The following FAM20A variants were observed in gnomAD, a reference collection of about 807,000 sequenced individuals.
FAM20A encodes the protein FAM20A golgi associated secretory pathway pseudokinase.
In FAM20A, 42 loss-of-function variants were observed where a neutral mutation model predicts 52.0. The ratio of observed to expected loss-of-function variants is 0.81; its 90% CI spans 0.63 to 1.04. The LOEUF (loss-of-function observed/expected upper bound fraction) is 1.04. Among genes scored for constraint, FAM20A ranks in the 50% least tolerant of loss-of-function variants. The pLI, the probability that FAM20A is intolerant of heterozygous loss-of-function variation, is 0.00. For synonymous variants in FAM20A, 304 were observed against 298.9 expected (o/e 1.02, Z -0.18); for missense variants, 742 against 712.7 (o/e 1.04, Z -0.47).
chr17:68,581,350 T>TTTTCTTTCTTTTTCTTTC (rs2087943367), intron 1 of FAM20A, among the ~76,000 whole-genome samples: 1 of 92,218 alleles, frequency 1.1e-5, no homozygotes, highest in Non-Finnish European at 2.1e-5. Context: ...GAAATGCAGT[T>TTTTCTTTCTTTTTCTTTC]TTTCTTTCTT....
chr17:68,564,224 A>G (rs1377600801), intron 1 of FAM20A, among the ~76,000 whole-genome samples: 1 of 152,208 alleles, frequency 6.6e-6, no homozygotes, highest in African/African-American at 2.4e-5. Context: ...CTTAAAAAGT[A>G]GTTTAAGCCC....
At position 68,537,250 on chromosome 17, in the gene FAM20A, G is replaced by C. The variant is rs1444008641; in HGVS notation, c.*227C>G. 12 of 691,476 alleles carry C rather than the reference G, an allele frequency of 1.7e-5. No individual in the cohort carries two copies. Among genetic ancestry groups the C allele is most frequent in the Non-Finnish European group, 3.1e-5 (12 of 384,538 alleles). The allele number at this position is 691,476 out of a possible 1,614,324, so 42.8% of individuals were successfully genotyped here. The stretch of plus-strand genomic sequence containing the variant: ...ATCGTCGGTGGCCTTGATGAAGCCA[G>C]TGCTTTTTGGGAAAAACGGAGCAAG... On this transcript the variant is annotated 3_prime_UTR_variant, in exon 11 of 11. Transcript: ENST00000592554. The surrounding 1 kb of genome is among the most constrained non-coding windows in gnomAD (Gnocchi z 4.2).
chr17:68,572,005 T>TATA (rs1555829293), intron 1 of FAM20A, among the ~76,000 whole-genome samples: 2 of 38,264 alleles, frequency 5.2e-5, no homozygotes, highest in African/African-American at 2.0e-4. Flanking sequence ...TATATATATA[T>TATA]ATATATATAT....
At chr17:68,583,412 T>C (rs1390964171) in intron 1 of FAM20A, among the ~76,000 whole-genome samples, 1 of 152,146 alleles carries the variant, frequency 6.6e-6, no homozygotes, top group African/African-American at 2.4e-5. Context: ...TGGTGGCTAT[T>C]GGTGTTCCTC....
chr17:68,554,708 A>G (rs1600578456), intron 3 of FAM20A, 69 bp downstream of exon 3: 2 of 1,220,648 alleles, frequency 1.6e-6, no homozygotes, highest in Non-Finnish European at 2.2e-6. Context: ...TCGCCACTGG[A>G]GTGGGTTTTG....
chr17:68,582,658 C>T (rs1420629498), intron 1 of FAM20A: 4 of 152,314 alleles, frequency 2.6e-5, no homozygotes, highest in Non-Finnish European at 4.4e-5. Context: ...CATGATCTGA[C>T]TCCATCTTCC....
intron 1 of FAM20A, among the ~76,000 whole-genome samples, chr17:68,589,659 T>A (rs901464836): frequency 5.3e-5 from 8 of 152,028 alleles, no homozygotes; most frequent in Admixed American, 2.6e-4. Flanking sequence ...ATCAGTGGTT[T>A]AAAAAAAATT....
At chr17:68,581,380 T>TTC (rs1353136316) in intron 1 of FAM20A, among the ~76,000 whole-genome samples, 1 of 144,022 alleles carries the variant, frequency 6.9e-6, no homozygotes, top group African/African-American at 2.7e-5. Context: ...CTTTCTTTCT[T>TTC]TCTTTCTTTC....
chr17:68,547,527 T>C (rs1375893666), intron 4 of FAM20A, among the ~76,000 whole-genome samples: 9 of 152,226 alleles, frequency 5.9e-5, no homozygotes, highest in Non-Finnish European at 1.0e-4. Context: ...CTGCAGCTTC[T>C]CCATCAGCAC....
Position 68,555,758 on chromosome 17 carries a change from T to C in FAM20A, c.405-15A>G. 1.2e-6 allele frequency: 2 copies of C among 1,614,052 alleles called. No individual in the cohort carries two copies. The highest frequency in any genetic ancestry group is 8.5e-7 in the Non-Finnish European group (1 of 1,180,012). ...TCTTGTGTCGCCTGAAAGAGCCAGA[T>C]AGTTGTTCATTAGAGGAACAAGAAT... is the stretch of plus-strand genomic sequence containing the variant. On this transcript the variant is annotated splice_polypyrimidine_tract_variant and intron_variant, in intron 1 of 10. Coordinates refer to ENST00000592554, the MANE Select transcript of FAM20A (RefSeq NM_017565.4).
intron 1 of FAM20A, among the ~76,000 whole-genome samples, chr17:68,583,372 G>A (rs950199954): frequency 3.3e-5 from 5 of 152,122 alleles, no homozygotes; most frequent in Non-Finnish European, 5.9e-5. Flanking sequence ...GACTCTAGGA[G>A]AAAGCCCCTT....
At chr17:68,572,537 G>C (rs978303788) in intron 1 of FAM20A, among the ~76,000 whole-genome samples, 1 of 152,020 alleles carries the variant, frequency 6.6e-6, no homozygotes, top group African/African-American at 2.4e-5. Context: ...ATGGCTTTTT[G>C]GTGTTCACTG....
chr17:68,579,991 T>G (rs746897148), intron 1 of FAM20A, among the ~76,000 whole-genome samples: 1 of 146,160 alleles, frequency 6.8e-6, no homozygotes, highest in Non-Finnish European at 1.5e-5. Context: ...GTCTTTTGAT[T>G]TAATACTATT....
chr17:68,578,477 T>TTGGCC (rs2087836975), intron 1 of FAM20A, among the ~76,000 whole-genome samples: 1 of 152,228 alleles, frequency 6.6e-6, no homozygotes, highest in Non-Finnish European at 1.5e-5. Flanking sequence ...ATAGCAAATG[T>TTGGCC]TGGCCTCCTT....
chr17:68,539,239 G>T, intron 10 of FAM20A, 98 bp downstream of exon 10: 3 of 1,151,744 alleles, frequency 2.6e-6, no homozygotes, highest in East Asian at 2.4e-5. Context: ...TTACGTCCTG[G>T]ACCAGTGAAA....
At chr17:68,576,547 C>G (rs1481060022) in intron 1 of FAM20A, among the ~76,000 whole-genome samples, 4 of 152,222 alleles carry the variant, frequency 2.6e-5, no homozygotes, top group Non-Finnish European at 5.9e-5. Context: ...GTCCCAGCCT[C>G]CTCCCCAGGG....
At chr17:68,571,434 G>A (rs1450493357) in intron 1 of FAM20A, among the ~76,000 whole-genome samples, 4 of 152,186 alleles carry the variant, frequency 2.6e-5, no homozygotes, top group African/African-American at 9.7e-5. Context: ...CAAAACTTGA[G>A]GAAGAAAATC....
At chr17:68,548,982 T>G (rs1385024963) in intron 4 of FAM20A, among the ~76,000 whole-genome samples, 1 of 151,998 alleles carries the variant, frequency 6.6e-6, no homozygotes, top group Admixed American at 6.5e-5. Flanking sequence ...TCTGCCCGCC[T>G]CAGCCTCCCA....
At position 68,537,729 on chromosome 17, in the gene FAM20A, T is replaced by C. The variant is rs771658536; in HGVS notation, c.1374A>G (p.Lys458=). 6.2e-7 allele frequency: 1 copy of C among 1,611,724 alleles called. No individual in the cohort carries two copies. The highest frequency in any genetic ancestry group is 8.5e-7 in the Non-Finnish European group (1 of 1,178,858). The stretch of plus-strand genomic sequence containing the variant: ...CCAGCAGCTGCAGGTGCAAAAGTGT[T>C]TTCTTTTTTATCCTGAAAAGACAAA... ...PLSQCCMIKK[K]TLLHLQLLAQ... Residue 458 remains lysine, a synonymous_variant, in exon 11 of 11, where the codon AAA becomes AAG. Transcript: ENST00000592554. This position sits in a 1 kb window ranked among gnomAD's most constrained non-coding sequence, Gnocchi z 4.2.
Sources: allele counts gnomAD v4.1 joint callset (sites outside exome capture counted in the v4.1 genomes callset), GRCh38; gene constraint gnomAD v4.1.1; non-coding constraint Gnocchi (gnomAD v3.1); transcripts MANE v1.5; gene names NCBI Gene and HGNC (gene_info 2026-07-23, HGNC 2026-07-21).